Variants in CHRNA6 observed in about 807,000 individuals in gnomAD.
CHRNA6 encodes neuronal acetylcholine receptor subunit alpha-6.
Under a neutral mutation model 40.9 loss-of-function variants are expected in CHRNA6, and 31 were observed. That is an observed-to-expected ratio of 0.76 (90% CI 0.57 to 1.02). CHRNA6 has a LOEUF of 1.02. CHRNA6 is among the 50% of genes least tolerant of loss of function. The pLI is 0.00. For synonymous variants in CHRNA6, 222 were observed against 221.3 expected (o/e 1.00, Z -0.03); for missense variants, 546 against 596.6 (o/e 0.92, Z 0.88).
chr8:42,757,909 C>T (rs1767123607), intron 3 of CHRNA6, among the ~76,000 whole-genome samples: 1 of 151,376 alleles, frequency 6.6e-6, no homozygotes, highest in South Asian at 2.1e-4. Context: ...GTGGCGGGCC[C>T]CTGTAGTCCC....
intron 1 of CHRNA6, 78 bp downstream of exon 1, chr8:42,768,274 T>C: frequency 8.5e-7 from 1 of 1,176,544 alleles, no homozygotes; most frequent in Non-Finnish European, 1.2e-6. Flanking sequence ...TAATATATCT[T>C]CTCAAGCACA....
At chr8:42,757,185 GTGAAA>G in intron 3 of CHRNA6, 148 bp from the exon 4 acceptor site, 1 of 616,566 alleles carries the variant, frequency 1.6e-6, no homozygotes, top group African/African-American at 1.9e-5. Context: ...GGCCAGCATA[GTGAAA>G]CCCCGTCTCT....
chr8:42,755,184 A>ATTTT (rs551656749), intron 5 of CHRNA6, among the ~76,000 whole-genome samples: 18 of 137,150 alleles, frequency 1.3e-4, no homozygotes, highest in African/African-American at 4.9e-4. Flanking sequence ...ACGCCTGCTA[A>ATTTT]TTTTTTTTTT....
At chr8:42,764,785 G>A (rs1816949000) in intron 2 of CHRNA6, among the ~76,000 whole-genome samples, 1 of 152,262 alleles carries the variant, frequency 6.6e-6, no homozygotes, top group Admixed American at 6.5e-5. Context: ...AGTGTAAACA[G>A]GCGTCTGGTG....
intron 5 of CHRNA6, 118 bp downstream of exon 5, chr8:42,755,728 G>A (rs2128911121): frequency 8.3e-7 from 1 of 1,203,512 alleles, no homozygotes; most frequent in South Asian, 1.5e-5. Flanking sequence ...AGGTCTCAGA[G>A]CAAGGCCGCC....
At chr8:42,757,502 A>T (rs1816822396) in intron 3 of CHRNA6, among the ~76,000 whole-genome samples, 2 of 151,160 alleles carry the variant, frequency 1.3e-5, no homozygotes, top group African/African-American at 4.9e-5. Flanking sequence ...AGGTGAGCGG[A>T]TCACTAGGTC....
intron 2 of CHRNA6, among the ~76,000 whole-genome samples, chr8:42,760,497 C>T (rs1816888415): frequency 6.6e-6 from 1 of 152,060 alleles, no homozygotes; most frequent in African/African-American, 2.4e-5. Flanking sequence ...CATGCACATG[C>T]ACTCACTCAT....
At chr8:42,767,877 T>C (rs1816995551) in intron 1 of CHRNA6, among the ~76,000 whole-genome samples, 1 of 152,198 alleles carries the variant, frequency 6.6e-6, no homozygotes, top group Non-Finnish European at 1.5e-5. Flanking sequence ...TTCTAAGTTG[T>C]AACTTTTAAA....
intron 5 of CHRNA6, among the ~76,000 whole-genome samples, chr8:42,754,037 C>G (rs1816758613): frequency 6.6e-6 from 1 of 152,124 alleles, no homozygotes; most frequent in Admixed American, 6.6e-5. Context: ...GGCAGCCCTC[C>G]AGCCCTCAAA....
intron 1 of CHRNA6, 80 bp from the exon 2 acceptor site, chr8:42,765,284 GC>G: frequency 1.3e-6 from 2 of 1,500,866 alleles, no homozygotes; most frequent in Non-Finnish European, 9.2e-7. Context: ...TTCTTCCCGG[GC>G]CCTGTGGGGA....
chr8:42,756,076 C>A lies in CHRNA6; in HGVS notation c.1123G>T (p.Ala375Ser), dbSNP rs755171508. The A allele has an allele frequency of 6.2e-7, 1 of 1,614,262 alleles. No individual in the cohort carries two copies. The highest frequency in any genetic ancestry group is 8.5e-7 in the Non-Finnish European group (1 of 1,180,030). ...AGCTTGCCTTTGGCAGGCCTCCTGG[C>A]AAGGCCTCTGGGCACTGCATCAGAG... ...TGSDAVPRGL[A>S]RRPAKGKLAS... Residue 375 changes from alanine to serine, a missense_variant, in exon 5 of 6, where the codon GCC (alanine) becomes TCC (serine). Ala to Ser is a moderately conservative substitution (Grantham distance 99, BLOSUM62 1). Coordinates refer to ENST00000276410, the MANE Select transcript of CHRNA6 (RefSeq NM_004198.3).
intron 3 of CHRNA6, among the ~76,000 whole-genome samples, chr8:42,758,352 G>GTT (rs113570598): frequency 2.2e-4 from 32 of 146,406 alleles, no homozygotes; most frequent in African/African-American, 5.3e-4. Flanking sequence ...CTTCCTTTCT[G>GTT]TTTTTTTTTT....
rs2128911373 is a variant in CHRNA6 at position 42,757,173 on chromosome 8, C to A, written c.265-136G>T. On this transcript the variant is annotated intron_variant, in intron 3 of 5. Coordinates refer to ENST00000276410, the MANE Select transcript of CHRNA6 (RefSeq NM_004198.3). ...TTGAGGTCAGGAGGTCGAGACCAGC[C>A]TGGCCAGCATAGTGAAACCCCGTCT... is the stretch of plus-strand genomic sequence containing the variant. 3 of 639,442 alleles carry A rather than the reference C, an allele frequency of 4.7e-6. No individual in the cohort carries two copies. The East Asian group carries it at 8.2e-5, about 18-fold the overall frequency. The allele number at this position is 639,442 out of a possible 1,614,324, so 39.6% of individuals were successfully genotyped here. A position where few individuals can be genotyped will look rare whatever the true frequency, so the allele number is the denominator to read the frequency against.
intron 5 of CHRNA6, among the ~76,000 whole-genome samples, chr8:42,753,655 C>G (rs981341209): frequency 3.9e-5 from 6 of 152,172 alleles, no homozygotes; most frequent in Non-Finnish European, 8.8e-5. Flanking sequence ...GCCTGGGTGA[C>G]AGAGTAAGAC....
In CHRNA6 at chr8:42,757,509, G is replaced by C. The variant is rs543545416; in HGVS notation, c.265-472C>G. On this transcript the variant is annotated intron_variant, in intron 3 of 5. Transcript: ENST00000276410. Reference sequence around the variant, plus strand: ...GGAGGCCGAGGTGAGCGGATCACTAGGTCAGAAGATTGAGACCATCCTGGC... The same window carrying C: ...GGAGGCCGAGGTGAGCGGATCACTACGTCAGAAGATTGAGACCATCCTGGC... 2.1e-5 allele frequency among the ~76,000 whole-genome samples: 3 copies of C among 144,062 alleles called. No individual in the cohort carries two copies. The South Asian group carries it at 6.9e-4, about 33-fold the overall frequency. The allele number at this position is 144,062 out of a possible 152,430, so 94.5% of individuals were successfully genotyped here. A position where few individuals can be genotyped will look rare whatever the true frequency, so the allele number is the denominator to read the frequency against.
Position 42,765,081 on chromosome 8 carries a change from GTGA to G in CHRNA6, c.200_202del (p.Ile67del). On this transcript the variant is annotated inframe_deletion, in exon 2 of 6. Transcript: ENST00000276410. ...GGCACTCACCACGTTGGCCAGCTGG[GTGA>G]TGGCCACTTCAAAGTGTACCGTGAC... The G allele has an allele frequency of 6.2e-7, 1 of 1,614,142 alleles. No homozygotes were observed.
intron 2 of CHRNA6, among the ~76,000 whole-genome samples, chr8:42,764,358 T>C (rs1271934480): frequency 3.3e-5 from 5 of 151,940 alleles, no homozygotes; most frequent in Admixed American, 1.3e-4. Context: ...TTTTTTTTTT[T>C]CCTCTGTCAC....
At chr8:42,766,297 C>T (rs1459777287) in intron 1 of CHRNA6, among the ~76,000 whole-genome samples, 1 of 152,080 alleles carries the variant, frequency 6.6e-6, no homozygotes, top group East Asian at 1.9e-4. Flanking sequence ...TCGAGACCAT[C>T]CTGGCTAACA....
intron 2 of CHRNA6, among the ~76,000 whole-genome samples, chr8:42,759,704 C>T (rs780807830): frequency 8.6e-5 from 13 of 151,932 alleles, no homozygotes; most frequent in Non-Finnish European, 1.5e-5. Context: ...TCGAGACCAC[C>T]CTGGCCAATA....
Sources: allele counts gnomAD v4.1 joint callset (sites outside exome capture counted in the v4.1 genomes callset), GRCh38; gene constraint gnomAD v4.1.1; transcripts MANE v1.5; gene names NCBI Gene and HGNC (gene_info 2026-07-23, HGNC 2026-07-21).